Variants in TRIM24 observed in about 807,000 individuals in gnomAD.
TRIM24 encodes tripartite motif containing 24, also known as transcription intermediary factor 1-alpha.
A neutral mutation model predicts 123.9 loss-of-function variants in TRIM24; 29 were observed. The ratio of observed to expected loss-of-function variants is 0.23; its 90% CI spans 0.17 to 0.32. TRIM24 has a LOEUF of 0.32. Ranked by LOEUF, TRIM24 falls within the 10% of genes least tolerant of loss-of-function variation. The pLI, the probability that TRIM24 is intolerant of heterozygous loss-of-function variation, is 1.00. For synonymous variants in TRIM24, 456 were observed against 461.1 expected, an observed-to-expected ratio of 0.99 and a Z score of 0.14; for missense variants, 932 against 1,295.3, an observed-to-expected ratio of 0.72 and a Z score of 4.31.
chr7:138,546,972 A>T (rs946605557), intron 7 of TRIM24, among the ~76,000 whole-genome samples: 9 of 152,214 alleles, frequency 5.9e-5, no homozygotes, highest in Admixed American at 4.6e-4. Flanking sequence ...TCTTGAATAG[A>T]TGTATGTACT....
At chr7:138,471,077 A>G (rs1795262747) in intron 1 of TRIM24, among the ~76,000 whole-genome samples, 1 of 152,210 alleles carries the variant, frequency 6.6e-6, no homozygotes, top group Non-Finnish European at 1.5e-5. Context: ...AAGTGGGCCT[A>G]AAAGTTCAAA....
chr7:138,501,662 CAGATCACG>C (rs1796042960), intron 1 of TRIM24, among the ~76,000 whole-genome samples: 1 of 151,860 alleles, frequency 6.6e-6, no homozygotes, highest in South Asian at 2.1e-4. Context: ...CTGAGGTGGA[CAGATCACG>C]AGGTCAGGAG....
At chr7:138,565,252 G>T (rs904985312) in intron 9 of TRIM24, among the ~76,000 whole-genome samples, 1 of 152,046 alleles carries the variant, frequency 6.6e-6, no homozygotes, top group African/African-American at 2.4e-5. Flanking sequence ...GTTGGTTGGG[G>T]TGTGAGCTTG....
chr7:138,584,734 CT>C lies in TRIM24; in HGVS notation c.2944-7del, dbSNP rs1231709270. 1.3e-6 allele frequency: 2 copies of C among 1,579,252 alleles called. No individual in the cohort carries two copies. On this transcript the variant is annotated splice_polypyrimidine_tract_variant and splice_region_variant and intron_variant, in intron 18 of 18. Coordinates refer to ENST00000343526, the MANE Select transcript of TRIM24 (RefSeq NM_015905.3). ...CTTTTTTTACTCATTTTTATTTTTA[CT>C]CCACAGCCTGATTCAGAAGTAGCCA...
chr7:138,572,859 A>C (rs950298076), intron 11 of TRIM24, among the ~76,000 whole-genome samples: 2 of 152,234 alleles, frequency 1.3e-5, no homozygotes, highest in African/African-American at 2.4e-5. Flanking sequence ...CTGGCAATGA[A>C]TAAGGAAAAG....
At chr7:138,523,073 G>A (rs1035659108) in intron 4 of TRIM24, among the ~76,000 whole-genome samples, 2 of 152,090 alleles carry the variant, frequency 1.3e-5, no homozygotes, top group Non-Finnish European at 2.9e-5. Context: ...CAAAGTAAGT[G>A]GGTTTTAAAA....
chr7:138,514,417 C>T (rs796266212), intron 2 of TRIM24: 20 of 152,164 alleles, frequency 1.3e-4, no homozygotes, highest in African/African-American at 4.8e-4. Flanking sequence ...CCTTGTGACT[C>T]TGCTTAATCT....
rs1251273587 is a variant in TRIM24, at chr7:138,576,428, C to T, written c.2070C>T (p.Ser690=). ...HPPIRSPSAS[S]VGSRGSSGSS... The stretch of plus-strand genomic sequence containing the variant: ...CAATACGTTCACCTAGTGCCTCCAG[C>T]GTTGGAAGCCGAGGAAGGTAAACTG... The change falls in exon 13 of 19, where the codon AGC becomes AGT. Residue 690 remains serine, a synonymous_variant. Transcript: ENST00000343526. The T allele has an allele frequency of 1.2e-6, 2 of 1,613,556 alleles. No individual in the cohort carries two copies. The highest frequency in any genetic ancestry group is 1.1e-5 in the South Asian group (1 of 91,070).
rs1388752260 is a variant in TRIM24 at position 138,584,977 on chromosome 7, G to A, written c.*26G>A. ...TATGCAGCACCACTAGCTTGTGCTG[G>A]TTTTTAGATTTTTTTGTTTTCAAAA... On this transcript the variant is annotated 3_prime_UTR_variant, in exon 19 of 19. Transcript: ENST00000343526. The A allele has an allele frequency of 2.6e-6, 4 of 1,548,082 alleles. No homozygotes were observed. The highest frequency in any genetic ancestry group is 3.5e-6 in the Non-Finnish European group (4 of 1,150,144).
intron 1 of TRIM24, among the ~76,000 whole-genome samples, chr7:138,462,528 G>A (rs1201713504): frequency 6.6e-6 from 1 of 151,412 alleles, no homozygotes; most frequent in Non-Finnish European, 1.5e-5. Context: ...TTTTAGTAGA[G>A]ACGGGGTTTC....
intron 1 of TRIM24, among the ~76,000 whole-genome samples, chr7:138,467,327 GTGTTT>G (rs751705080): frequency 4.7e-5 from 6 of 128,588 alleles, no homozygotes; most frequent in South Asian, 2.4e-4. Context: ...AAGGGGGAAT[GTGTTT>G]TGTTTTGTTT....
chr7:138,547,719 A>G (rs950508366), intron 7 of TRIM24, among the ~76,000 whole-genome samples: 1 of 152,170 alleles, frequency 6.6e-6, no homozygotes, highest in African/African-American at 2.4e-5. Context: ...TCTGTCACCC[A>G]GGCTTGGATT....
At chr7:138,558,990 C>T (rs112733484) in intron 9 of TRIM24, among the ~76,000 whole-genome samples, 5,520 of 152,288 alleles carry the variant, frequency 0.036, 150 homozygotes, top group Middle Eastern at 0.088. Flanking sequence ...TAATGGACCA[C>T]TACAGGATTG....
intron 16 of TRIM24, among the ~76,000 whole-genome samples, 198 bp downstream of exon 16, chr7:138,580,892 G>A (rs865994408): frequency 6.6e-6 from 1 of 151,990 alleles, no homozygotes; most frequent in Non-Finnish European, 1.5e-5. Context: ...ATTAATGCAT[G>A]TATTTTATAG....
chr7:138,476,761 GCATTTCCT>G lies in TRIM24; in HGVS notation c.364+15854_364+15861del, dbSNP rs1165876187. Among the ~76,000 whole-genome samples, 3 of 152,220 alleles carry G rather than the reference GCATTTCCT, an allele frequency of 2.0e-5. No homozygotes were observed. In the East Asian group the frequency reaches 5.8e-4, roughly 29 times the overall value. On this transcript the variant is annotated intron_variant, in intron 1 of 18. Coordinates refer to ENST00000343526, the MANE Select transcript of TRIM24 (RefSeq NM_015905.3). ...TGGTAATATCTAGTAAAATGCAAAT[GCATTTCCT>G]CATTGACCTGGCAATCTCCACTTCT...
chr7:138,490,268 T>A (rs990780967), intron 1 of TRIM24, among the ~76,000 whole-genome samples: 1 of 152,092 alleles, frequency 6.6e-6, no homozygotes, highest in Non-Finnish European at 1.5e-5. Context: ...TTTTTCAAGG[T>A]TTTTAGCTTC....
intron 14 of TRIM24, among the ~76,000 whole-genome samples, chr7:138,578,658 T>G (rs1044274217): frequency 1.3e-5 from 2 of 152,126 alleles, no homozygotes; most frequent in Non-Finnish European, 2.9e-5. Flanking sequence ...ATAGATGTAT[T>G]GCAATTTTTA....
chr7:138,469,664 A>G (rs536346914), intron 1 of TRIM24, among the ~76,000 whole-genome samples: 1 of 152,276 alleles, frequency 6.6e-6, no homozygotes, highest in East Asian at 1.9e-4. Flanking sequence ...TGGCATGACT[A>G]AGTGCCATTA....
intron 1 of TRIM24, among the ~76,000 whole-genome samples, chr7:138,484,911 A>C (rs1322074411): frequency 6.6e-6 from 1 of 152,198 alleles, no homozygotes; most frequent in East Asian, 1.9e-4. Context: ...TATGGTAGAC[A>C]GTTTCTTTTT....
Sources: gnomAD v4.1 joint callset for allele counts (sites outside exome capture counted in the v4.1 genomes callset) on GRCh38, gnomAD v4.1.1 for gene constraint, MANE v1.5 for transcripts, NCBI Gene and HGNC (gene_info 2026-07-23, HGNC 2026-07-21) for gene names.